HYCC2: variants seen among roughly 807,000 people sequenced by gnomAD.
HYCC2 encodes the protein hyccin PI4KA lipid kinase complex subunit 2.
chr2:200,978,509 A>G, the HYCC2 span: 1 of 115,338 alleles, frequency 8.7e-6, no homozygotes, highest in Non-Finnish European at 1.6e-5. Flanking sequence ...GGAGTCTTGC[A>G]CTGTTGCCTA....
At chr2:200,977,916 T>C in the HYCC2 span, 4 of 152,204 alleles carry the variant, frequency 2.6e-5, no homozygotes, top group Admixed American at 2.0e-4. Context: ...TAGTAATTAA[T>C]GTCAGAGCGA....
the HYCC2 span, chr2:200,997,613 C>G: frequency 2.2e-6 from 2 of 898,528 alleles, no homozygotes; most frequent in Non-Finnish European, 3.7e-6. Context: ...ATGACAATGC[C>G]TTAATATTGA....
At chr2:200,975,801 G>A in the HYCC2 span, 3 of 152,078 alleles carry the variant, frequency 2.0e-5, no homozygotes, top group Non-Finnish European at 4.4e-5. Flanking sequence ...TTGTACTTGT[G>A]TGGTCAGGTT....
the HYCC2 span, among the ~76,000 whole-genome samples, chr2:201,059,144 A>G: frequency 6.6e-6 from 1 of 152,194 alleles, no homozygotes; most frequent in African/African-American, 2.4e-5. Flanking sequence ...GGAACTATAC[A>G]GTCAGGTCTC....
chr2:200,980,906 T>C, the HYCC2 span: 2 of 219,270 alleles, frequency 9.1e-6, no homozygotes, highest in Non-Finnish European at 1.8e-5. Context: ...CAAAGAATCG[T>C]TTCATAGGGA....
chr2:201,023,844 C>T, the HYCC2 span: 3 of 738,266 alleles, frequency 4.1e-6, no homozygotes, highest in East Asian at 5.3e-5. Flanking sequence ...CACTTCCTAC[C>T]ATATTTTTAT....
the HYCC2 span, among the ~76,000 whole-genome samples, chr2:201,011,785 A>G: frequency 6.6e-4 from 101 of 152,344 alleles, no homozygotes; most frequent in African/African-American, 2.4e-3. Flanking sequence ...AAATTTACAT[A>G]CAGGATGGGA....
chr2:201,014,968 T>C, the HYCC2 span, among the ~76,000 whole-genome samples: 1 of 152,154 alleles, frequency 6.6e-6, no homozygotes, highest in Admixed American at 6.6e-5. Context: ...CTATCAAATA[T>C]ATAATATATT....
At chr2:201,061,086 A>G in the HYCC2 span, among the ~76,000 whole-genome samples, 1 of 152,028 alleles carries the variant, frequency 6.6e-6, no homozygotes, top group African/African-American at 2.4e-5. Flanking sequence ...AAAAAAAAGG[A>G]ACATTTTAAT....
At chr2:200,980,296 T>C in the HYCC2 span, 7 of 152,514 alleles carry the variant, frequency 4.6e-5, no homozygotes, top group African/African-American at 1.7e-4. Flanking sequence ...AGATGTACTG[T>C]TACACTTCAG....
At chr2:201,046,984 T>A in the HYCC2 span, among the ~76,000 whole-genome samples, 1 of 152,228 alleles carries the variant, frequency 6.6e-6, no homozygotes, top group South Asian at 2.1e-4. Context: ...GACTCACAGA[T>A]AATTGTAAAA....
the HYCC2 span, among the ~76,000 whole-genome samples, chr2:201,013,172 AAAG>A: frequency 6.6e-6 from 1 of 151,880 alleles, no homozygotes; most frequent in African/African-American, 2.4e-5. Flanking sequence ...CATGGCCTAA[AAAG>A]AAGAAACATC....
the HYCC2 span, among the ~76,000 whole-genome samples, chr2:200,986,078 A>G: frequency 6.6e-6 from 1 of 152,212 alleles, no homozygotes; most frequent in Non-Finnish European, 1.5e-5. Context: ...TGTTTATACA[A>G]GATAAAACTT....
the HYCC2 span, among the ~76,000 whole-genome samples, chr2:201,041,714 T>C: frequency 5.6e-4 from 86 of 152,304 alleles, no homozygotes; most frequent in Non-Finnish European, 1.1e-3. Flanking sequence ...ATTTTTGCAT[T>C]GCTCACTACT....
chr2:200,994,945 G>C, the HYCC2 span, among the ~76,000 whole-genome samples: 4 of 150,926 alleles, frequency 2.7e-5, no homozygotes, highest in African/African-American at 9.8e-5. Context: ...AGGCTGCAGT[G>C]AGCTATGTAT....
At chr2:201,009,705 C>T in the HYCC2 span, among the ~76,000 whole-genome samples, 4 of 152,148 alleles carry the variant, frequency 2.6e-5, no homozygotes, top group Admixed American at 1.3e-4. Flanking sequence ...AGTGATCCAC[C>T]CACCTCGGCC....
At chr2:201,005,537 T>C in the HYCC2 span, among the ~76,000 whole-genome samples, 2 of 152,198 alleles carry the variant, frequency 1.3e-5, no homozygotes, top group African/African-American at 4.8e-5. Flanking sequence ...TCAGAATTCC[T>C]AAAGGCCTGA....
At chr2:201,005,489 A>G in the HYCC2 span, among the ~76,000 whole-genome samples, 3 of 152,110 alleles carry the variant, frequency 2.0e-5, no homozygotes, top group Non-Finnish European at 4.4e-5. Flanking sequence ...GATGATTCCT[A>G]AGCAAAAAAA....
chr2:201,050,731 C>A, the HYCC2 span, among the ~76,000 whole-genome samples: 2 of 151,808 alleles, frequency 1.3e-5, no homozygotes, highest in African/African-American at 4.8e-5. Flanking sequence ...GTCAGGAGTT[C>A]GAGACCAGCC....
Sources: allele counts gnomAD v4.1 joint callset (sites outside exome capture counted in the v4.1 genomes callset), GRCh38; gene constraint gnomAD v4.1.1; transcripts MANE v1.5; gene names NCBI Gene and HGNC (gene_info 2026-07-23, HGNC 2026-07-21).